The following HACE1 variants were observed in gnomAD, a reference collection of about 807,000 sequenced individuals.
HACE1 encodes HECT domain and ankyrin repeat containing E3 ubiquitin protein ligase 1, also known as E3 ubiquitin-protein ligase HACE1.
Under a neutral mutation model 118.4 loss-of-function variants are expected in HACE1, and 73 were observed. The observed-to-expected ratio is 0.62, with a 90% CI of 0.51 to 0.75. The LOEUF is 0.75. Ranked by LOEUF, HACE1 falls within the 30% of genes least tolerant of loss-of-function variation. The probability of loss-of-function intolerance (pLI) is 0.00; values close to 1 mark genes in which losing one functional copy is unlikely to be tolerated. For missense variants in HACE1, 749 were observed against 1,102.2 expected (o/e 0.68, Z 4.54); for synonymous variants, 368 against 374.8 (o/e 0.98, Z 0.21).
At chr6:104,854,421 T>C (rs1361370381) in intron 1 of HACE1, among the ~76,000 whole-genome samples, 1 of 152,182 alleles carries the variant, frequency 6.6e-6, no homozygotes, top group African/African-American at 2.4e-5. Context: ...GATGTTAACC[T>C]TAGGGAAAGG....
rs755305409 is a variant in HACE1 at position 104,785,234 on chromosome 6, T to C, written c.1160A>G (p.Glu387Gly). ...ELMKNKRDST[E>G]ITSILLKQKG... ...TTGTTTCAGTAAAATAGAAGTGATCTCTGTTGAGTCTCTTTTGTTTTTCAT... is the reference window on the plus strand; with the variant it reads ...TTGTTTCAGTAAAATAGAAGTGATCCCTGTTGAGTCTCTTTTGTTTTTCAT... Residue 387 changes from glutamate (E) to glycine (G), a missense_variant, in exon 12 of 24, where the codon GAG (glutamate) becomes GGG (glycine). Coordinates refer to ENST00000262903, the MANE Select transcript of HACE1 (RefSeq NM_020771.4). 4.2e-5 allele frequency: 67 copies of C among 1,612,144 alleles called. No individual in the cohort carries two copies. Among genetic ancestry groups the C allele is most frequent in the Non-Finnish European group, 5.2e-5 (61 of 1,178,356 alleles).
chr6:104,799,909 G>GCCAAAGTAGGGTGGGGCAT (rs11274321), intron 7 of HACE1, among the ~76,000 whole-genome samples: 6 of 151,822 alleles, frequency 4.0e-5, no homozygotes, highest in South Asian at 2.1e-4. Context: ...CGGAGGGTGA[G>GCCAAAGTAGGGTGGGGCAT]CACCTCACTT....
chr6:104,777,252 C>T lies in HACE1; in HGVS notation c.1632G>A (p.Met544Ile). Residue 544 changes from methionine (M) to isoleucine (I), a missense_variant, in exon 15 of 24, where the codon ATG (methionine) becomes ATA (isoleucine). This residue lies in a region of HACE1 where 195 missense variants were observed against 322.1 expected (regional missense o/e 0.61). Coordinates refer to ENST00000262903, the MANE Select transcript of HACE1 (RefSeq NM_020771.4). ...HLHSGQPDSD[M>I]VHRPVNENDI... Reference sequence around the variant, plus strand: ...CATTTTCATTCACTGGCCTGTGCACCATATCTGAATCTGGCTGTCCTGAAT... The same window carrying T: ...CATTTTCATTCACTGGCCTGTGCACTATATCTGAATCTGGCTGTCCTGAAT... 6.2e-7 allele frequency: 1 copy of T among 1,613,844 alleles called. No individual in the cohort carries two copies. Among genetic ancestry groups the T allele is most frequent in the Non-Finnish European group, 8.5e-7 (1 of 1,179,726 alleles).
chr6:104,783,652 T>C (rs1464668517), intron 14 of HACE1, among the ~76,000 whole-genome samples: 1 of 152,160 alleles, frequency 6.6e-6, no homozygotes, highest in Non-Finnish European at 1.5e-5. Context: ...GGAAAGGTGG[T>C]CAGGTCAAAT....
intron 2 of HACE1, 116 bp downstream of exon 2, chr6:104,852,199 CTG>C (rs543674376): frequency 0.057 from 36,704 of 640,828 alleles, 439 homozygotes; most frequent in Admixed American, 0.13. Context: ...TCCAAACTGT[CTG>C]TGTGTGTGTG....
At chr6:104,735,389 T>C (rs1336776945) in intron 22 of HACE1, among the ~76,000 whole-genome samples, 1 of 152,082 alleles carries the variant, frequency 6.6e-6, no homozygotes, top group Admixed American at 6.5e-5. Flanking sequence ...TCCCAGCATT[T>C]TGGGAGGCCG....
At chr6:104,812,738 A>T (rs910737611) in intron 6 of HACE1, among the ~76,000 whole-genome samples, 4 of 152,170 alleles carry the variant, frequency 2.6e-5, no homozygotes, top group Non-Finnish European at 4.4e-5. Flanking sequence ...CTTACTACAG[A>T]ACACACACAT....
chr6:104,817,475 G>A (rs2114999842), intron 6 of HACE1, among the ~76,000 whole-genome samples: 2 of 152,310 alleles, frequency 1.3e-5, no homozygotes, highest in East Asian at 3.9e-4. Flanking sequence ...TAAGTTTCCT[G>A]AGGCCTTCCA....
At chr6:104,773,291 A>T (rs1048328081) in intron 17 of HACE1, among the ~76,000 whole-genome samples, 10 of 152,212 alleles carry the variant, frequency 6.6e-5, no homozygotes, top group Non-Finnish European at 1.2e-4. Context: ...GTAGAAATGT[A>T]TTGGAAAGTG....
intron 7 of HACE1, among the ~76,000 whole-genome samples, chr6:104,810,858 A>T (rs1344329588): frequency 1.3e-5 from 2 of 152,144 alleles, no homozygotes; most frequent in African/African-American, 4.8e-5. Flanking sequence ...GAGAAAGAAA[A>T]GACATGGCTC....
At chr6:104,789,830 C>CT (rs1397527153) in intron 11 of HACE1, among the ~76,000 whole-genome samples, 3 of 152,108 alleles carry the variant, frequency 2.0e-5, no homozygotes, top group Non-Finnish European at 4.4e-5. Context: ...GATTCCGTCA[C>CT]TAACAAAGTG....
chr6:104,834,444 ATAATCAATGT>A (rs1334386933), intron 5 of HACE1, among the ~76,000 whole-genome samples: 1 of 152,252 alleles, frequency 6.6e-6, no homozygotes, highest in African/African-American at 2.4e-5. Flanking sequence ...CCACTCAAAG[ATAATCAATGT>A]TAAAACTCTG....
chr6:104,795,529 G>T, intron 10 of HACE1, 50 bp downstream of exon 10: 1 of 1,032,852 alleles, frequency 9.7e-7, no homozygotes, highest in Non-Finnish European at 1.5e-6. Flanking sequence ...AGGAGGTGAA[G>T]CCAACAGACA....
At chr6:104,859,511 T>C (rs913290490) in intron 1 of HACE1, 56 bp downstream of exon 1, 73 of 1,279,322 alleles carry the variant, frequency 5.7e-5, no homozygotes, top group Non-Finnish European at 7.5e-5. Context: ...CCGGAGCTCC[T>C]GCCCCACTGG....
At position 104,859,650 on chromosome 6, in the gene HACE1, G is replaced by T; in HGVS notation, c.-8C>A. The T allele has an allele frequency of 6.5e-7, 1 of 1,530,718 alleles. No individual in the cohort carries two copies. 94.8% of individuals were successfully genotyped at this position (1,530,718 alleles called of 1,614,324 possible). A position where few individuals can be genotyped will look rare whatever the true frequency, so the allele number is the denominator to read the frequency against. On this transcript the variant is annotated 5_prime_UTR_variant, in exon 1 of 24. Transcript: ENST00000262903. Reference sequence around the variant, plus strand: ...CTCCATCGCTCTCTCCATCCTCGGCGCGCCCTCCGCGATCCTCCGCGATCA... The same window carrying T: ...CTCCATCGCTCTCTCCATCCTCGGCTCGCCCTCCGCGATCCTCCGCGATCA...
At chr6:104,819,897 A>T (rs1772510622) in intron 6 of HACE1, among the ~76,000 whole-genome samples, 1 of 152,186 alleles carries the variant, frequency 6.6e-6, no homozygotes, top group Non-Finnish European at 1.5e-5. Flanking sequence ...TGGATTAAAG[A>T]CTTAAATGTA....
chr6:104,744,474 A>G, intron 21 of HACE1, 38 bp downstream of exon 21: 1 of 1,163,976 alleles, frequency 8.6e-7, no homozygotes, highest in Non-Finnish European at 1.3e-6. Context: ...ATTAAACGGC[A>G]AAACTTAACT....
At chr6:104,763,264 A>T (rs978598476) in intron 19 of HACE1, among the ~76,000 whole-genome samples, 1 of 152,180 alleles carries the variant, frequency 6.6e-6, no homozygotes, top group Admixed American at 6.5e-5. Flanking sequence ...TACCTGTTTT[A>T]AAAGTTTTCA....
intron 1 of HACE1, among the ~76,000 whole-genome samples, chr6:104,856,441 G>GGT (rs558539389): frequency 6.7e-6 from 1 of 148,520 alleles, no homozygotes; most frequent in African/African-American, 2.5e-5. Flanking sequence ...TTATTTATGT[G>GGT]TTTTTTTTTT....
Sources: allele counts gnomAD v4.1 joint callset (sites outside exome capture counted in the v4.1 genomes callset), GRCh38; gene constraint gnomAD v4.1.1; regional missense constraint gnomAD v4.1.1; transcripts MANE v1.5; gene names NCBI Gene and HGNC (gene_info 2026-07-23, HGNC 2026-07-21).